HTR7: variants seen among roughly 807,000 people sequenced by gnomAD.
The protein encoded by HTR7 is 5-hydroxytryptamine receptor 7, also known as 5-HT-7.
In HTR7, 16 loss-of-function variants were observed where a neutral mutation model predicts 34.0. The ratio of observed to expected loss-of-function variants is 0.47; its 90% confidence interval spans 0.32 to 0.71. HTR7 has a LOEUF of 0.71. Ranked by LOEUF, HTR7 falls within the 30% of genes least tolerant of loss-of-function variation. The pLI is 0.04. For missense variants in HTR7, 504 were observed against 625.5 expected (o/e 0.81, Z 2.07); for synonymous variants, 265 against 260.2 (o/e 1.02, Z -0.18).
At chr10:90,763,255 T>C (rs908238024) in intron 1 of HTR7, among the ~76,000 whole-genome samples, 1 of 152,218 alleles carries the variant, frequency 6.6e-6, no homozygotes, top group Non-Finnish European at 1.5e-5. Context: ...TGAATTCTTC[T>C]ACTCCATGAA....
At chr10:90,824,710 A>G (rs966108406) in intron 1 of HTR7, among the ~76,000 whole-genome samples, 3 of 152,262 alleles carry the variant, frequency 2.0e-5, no homozygotes, top group Admixed American at 2.0e-4. Context: ...CTGGGCCTTA[A>G]GTGAACATCA....
rs1041301193 is a variant in HTR7, at chr10:90,750,986, G to A, written c.540-1392C>T. Among the ~76,000 whole-genome samples the A allele has an allele frequency of 5.3e-5, 8 of 152,244 alleles. No homozygotes were observed. The South Asian group carries it at 1.7e-3, about 32-fold the overall frequency. ...ACGAAAATCCTGCGTGCAGGCAAAT[G>A]GGGAAATCATGTCAGATGAAGGGGA... On this transcript the variant is annotated intron_variant, in intron 1 of 3. Coordinates refer to ENST00000336152, the MANE Select transcript of HTR7 (RefSeq NM_019859.4).
intron 1 of HTR7, among the ~76,000 whole-genome samples, chr10:90,848,969 T>C (rs906475273): frequency 1.7e-4 from 26 of 152,352 alleles, no homozygotes; most frequent in African/African-American, 6.3e-4. Context: ...ATCTGTGTTT[T>C]AATAAGCTCT....
chr10:90,832,957 C>T (rs1165973914), intron 1 of HTR7, among the ~76,000 whole-genome samples: 1 of 152,222 alleles, frequency 6.6e-6, no homozygotes, highest in Non-Finnish European at 1.5e-5. Context: ...GATATCCTTC[C>T]CTGGACTCTC....
At position 90,749,715 on chromosome 10, in the gene HTR7, T is replaced by C; in HGVS notation, c.540-121A>G. The C allele has an allele frequency of 1.2e-6, 1 of 853,550 alleles. No individual in the cohort carries two copies. The highest frequency in any genetic ancestry group is 1.8e-6 in the Non-Finnish European group (1 of 550,398). The allele number at this position is 853,550 out of a possible 1,614,324, so 52.9% of individuals were successfully genotyped here. A position where few individuals can be genotyped will look rare whatever the true frequency, so the allele number is the denominator to read the frequency against. On this transcript the variant is annotated intron_variant, in intron 1 of 3. Transcript: ENST00000336152. The surrounding 1 kb of genome is among the most constrained non-coding windows in gnomAD (Gnocchi z 4.2). ...AACAGCCCTTCTAGGTAGGCATCAT[T>C]ACTCCCATTTTGCAGAAAGGTAAAC...
intron 1 of HTR7, among the ~76,000 whole-genome samples, chr10:90,774,671 G>A (rs1367593167): frequency 6.6e-6 from 1 of 152,180 alleles, no homozygotes; most frequent in Non-Finnish European, 1.5e-5. Flanking sequence ...GAGGGACTTG[G>A]TTTCCTTCCA....
chr10:90,854,530 A>T lies in HTR7; in HGVS notation c.539+2603T>A, dbSNP rs531482614. Among the ~76,000 whole-genome samples the T allele has an allele frequency of 2.0e-5, 3 of 150,956 alleles. No individual in the cohort carries two copies. The East Asian group carries it at 5.8e-4, about 29-fold the overall frequency. ...TTTTGCTTTTTAACTGGAAAGAAGT[A>T]AAAAGAAGGGTACACATGCAGGACA... On this transcript the variant is annotated intron_variant, in intron 1 of 3. Transcript: ENST00000336152.
chr10:90,776,974 T>G (rs182583000), intron 1 of HTR7, among the ~76,000 whole-genome samples: 2 of 152,322 alleles, frequency 1.3e-5, no homozygotes, highest in East Asian at 3.9e-4. Context: ...ATGAGAGCAA[T>G]TAATTCTGTA....
At position 90,856,919 on chromosome 10, in the gene HTR7, A is replaced by T. The variant is rs538281542; in HGVS notation, c.539+214T>A. Among the ~76,000 whole-genome samples, 5 of 152,322 alleles carry T rather than the reference A, an allele frequency of 3.3e-5. No individual in the cohort carries two copies. The South Asian group carries it at 8.3e-4, about 25-fold the overall frequency. The stretch of plus-strand genomic sequence containing the variant: ...TAAATTCGTCACTACAGTAAACCAG[A>T]ACATTTCCGGTTTTTCTTTTAAAGA... On this transcript the variant is annotated intron_variant, in intron 1 of 3. Transcript: ENST00000336152.
In HTR7 at chr10:90,749,653, C is replaced by T; in HGVS notation, c.540-59G>A. 8 of 1,500,936 alleles carry T rather than the reference C, an allele frequency of 5.3e-6. No individual in the cohort carries two copies. Among genetic ancestry groups the T allele is most frequent in the Non-Finnish European group, 7.2e-6 (8 of 1,110,380 alleles). The allele number at this position is 1,500,936 out of a possible 1,614,324, so 93.0% of individuals were successfully genotyped here. On this transcript the variant is annotated intron_variant, in intron 1 of 3. Coordinates refer to ENST00000336152, the MANE Select transcript of HTR7 (RefSeq NM_019859.4). The surrounding 1 kb of genome is among the most constrained non-coding windows in gnomAD (Gnocchi z 4.2). ...CCGTGATCATAACTGGTCAACCAAG[C>T]AAGTCCTGCCAGCCAGGTACCAGCG...
At chr10:90,804,358 T>C (rs903292040) in intron 1 of HTR7, among the ~76,000 whole-genome samples, 3 of 152,176 alleles carry the variant, frequency 2.0e-5, no homozygotes, top group African/African-American at 7.2e-5. Flanking sequence ...ACTGAGCTAG[T>C]TAACACTTAG....
chr10:90,845,583 AC>A (rs1846403240), intron 1 of HTR7, among the ~76,000 whole-genome samples: 1 of 152,242 alleles, frequency 6.6e-6, no homozygotes, highest in Admixed American at 6.5e-5. Context: ...TCTATGAGAT[AC>A]CATGTGTCAA....
intron 1 of HTR7, among the ~76,000 whole-genome samples, chr10:90,772,905 C>G (rs1291393531): frequency 6.6e-6 from 1 of 152,160 alleles, no homozygotes; most frequent in African/African-American, 2.4e-5. Context: ...AATGAGGAAA[C>G]TGAGGCTCAG....
At chr10:90,811,116 G>A (rs1845801120) in intron 1 of HTR7, among the ~76,000 whole-genome samples, 1 of 152,068 alleles carries the variant, frequency 6.6e-6, no homozygotes, top group Non-Finnish European at 1.5e-5. Flanking sequence ...AGCGCTCCCT[G>A]ACTCATCCCA....
At chr10:90,831,217 C>T (rs1410605749) in intron 1 of HTR7, among the ~76,000 whole-genome samples, 4 of 152,166 alleles carry the variant, frequency 2.6e-5, no homozygotes, top group Non-Finnish European at 1.5e-5. Context: ...AGAATGAAGC[C>T]GCAGACCCTC....
chr10:90,840,288 T>C (rs1475440727), intron 1 of HTR7, among the ~76,000 whole-genome samples: 2 of 151,804 alleles, frequency 1.3e-5, no homozygotes, highest in African/African-American at 4.8e-5. Context: ...TGATAGTCCA[T>C]AATACCTTAA....
chr10:90,812,142 T>C (rs1845821045), intron 1 of HTR7, among the ~76,000 whole-genome samples: 1 of 152,212 alleles, frequency 6.6e-6, no homozygotes, highest in Admixed American at 6.5e-5. Context: ...TGCTACAGGG[T>C]ACAGCCCATT....
chr10:90,833,253 G>A (rs1412801905), intron 1 of HTR7, among the ~76,000 whole-genome samples: 2 of 152,108 alleles, frequency 1.3e-5, no homozygotes, highest in Non-Finnish European at 2.9e-5. Context: ...ATGCCTCTAG[G>A]GGACCTTCCA....
chr10:90,847,506 G>A (rs796066138), intron 1 of HTR7, among the ~76,000 whole-genome samples: 7 of 152,252 alleles, frequency 4.6e-5, no homozygotes, highest in African/African-American at 1.7e-4. Context: ...TTAGAGATGA[G>A]CAAGGATAAC....
Sources: gnomAD v4.1 joint callset for allele counts (sites outside exome capture counted in the v4.1 genomes callset) on GRCh38, gnomAD v4.1.1 for gene constraint, Gnocchi (gnomAD v3.1) non-coding constraint, MANE v1.5 for transcripts, NCBI Gene and HGNC (gene_info 2026-07-23, HGNC 2026-07-21) for gene names.